The following YBX3 variants were observed in gnomAD, a reference collection of about 807,000 sequenced individuals.
YBX3 encodes the protein Y-box-binding protein 3.
YBX3 carries 29 observed loss-of-function variants against 42.4 expected under a neutral mutation model. That is an observed-to-expected ratio of 0.68 (90% CI 0.51 to 0.93). YBX3 has a LOEUF of 0.93. Among genes scored for constraint, YBX3 ranks in the 40% least tolerant of loss-of-function variants. The pLI, the probability that YBX3 is intolerant of heterozygous loss-of-function variation, is 0.00. For synonymous variants in YBX3, 195 were observed against 189.8 expected (o/e 1.03, Z -0.22); for missense variants, 517 against 527.5 (o/e 0.98, Z 0.19).
At position 10,719,156 on chromosome 12, in the gene YBX3, T is replaced by C; in HGVS notation, c.263-13A>G. 6.2e-7 allele frequency: 1 copy of C among 1,610,482 alleles called. No homozygotes were observed. Among genetic ancestry groups the C allele is most frequent in the Non-Finnish European group, 8.5e-7 (1 of 1,177,346 alleles). Reference sequence around the variant, plus strand: ...AGGACTTTGGTGGCTAAAATAGGATTAAGCAGATAAATTAGTATCTGACCT... The same window carrying C: ...AGGACTTTGGTGGCTAAAATAGGATCAAGCAGATAAATTAGTATCTGACCT... On this transcript the variant is annotated splice_polypyrimidine_tract_variant and intron_variant, in intron 1 of 9. Coordinates refer to ENST00000228251, the MANE Select transcript of YBX3 (RefSeq NM_003651.5).
chr12:10,718,065 G>C (rs762339088), intron 3 of YBX3, 23 bp downstream of exon 3: 1 of 1,598,492 alleles, frequency 6.3e-7, no homozygotes, highest in South Asian at 1.1e-5. Context: ...CATAGCAAAT[G>C]TAGTATTTAT....
intron 6 of YBX3, among the ~76,000 whole-genome samples, chr12:10,708,507 T>C (rs985965083): frequency 1.3e-5 from 2 of 152,200 alleles, no homozygotes; most frequent in African/African-American, 2.4e-5. Context: ...AATTTTCTTT[T>C]GATGCTCTTG....
At chr12:10,719,839 T>C (rs971500192) in intron 1 of YBX3, among the ~76,000 whole-genome samples, 2 of 151,616 alleles carry the variant, frequency 1.3e-5, no homozygotes, top group South Asian at 4.1e-4. Flanking sequence ...AAAATCCCCC[T>C]CTTTACCATA....
At chr12:10,703,736 T>A in intron 7 of YBX3, 1 of 320,944 alleles carries the variant, frequency 3.1e-6, no homozygotes, top group South Asian at 3.1e-5. Flanking sequence ...ACTCAATTCT[T>A]CCTCCATCTG....
intron 5 of YBX3, chr12:10,712,053 G>A (rs1948206484): frequency 1.3e-5 from 2 of 152,300 alleles, no homozygotes; most frequent in Admixed American, 1.3e-4. Context: ...AAGTCCTAAG[G>A]AATCTGACAG....
rs1948076963 is a variant in YBX3, at chr12:10,701,368, A to G, written c.1054-15T>C. 1 of 780,914 alleles carries G rather than the reference A, an allele frequency of 1.3e-6. No homozygotes were observed. Among genetic ancestry groups the G allele is most frequent in the Non-Finnish European group, 2.4e-6 (1 of 418,128 alleles). The allele number at this position is 780,914 out of a possible 1,614,324, so 48.4% of individuals were successfully genotyped here. A position where few individuals can be genotyped will look rare whatever the true frequency, so the allele number is the denominator to read the frequency against. ...CCTGCCTTGGCCTAAAATGCAAAAC[A>G]AAGCCATAAATCAGATAAAGTCAGA... On this transcript the variant is annotated splice_polypyrimidine_tract_variant and intron_variant, in intron 8 of 9. Coordinates refer to ENST00000228251, the MANE Select transcript of YBX3 (RefSeq NM_003651.5).
chr12:10,706,341 A>G (rs1393563119), intron 6 of YBX3, among the ~76,000 whole-genome samples: 2 of 152,218 alleles, frequency 1.3e-5, no homozygotes, highest in Non-Finnish European at 2.9e-5. Context: ...ACAGACATAC[A>G]TACTAAAGAA....
Position 10,722,998 on chromosome 12 carries a change from G to T in YBX3, c.114C>A (p.Ser38Arg). Reference protein sequence around the residue: ...QDPAPKSPVGSGAPQAAAPAP... With the variant: ...QDPAPKSPVGRGAPQAAAPAP... ...CCGGGGCCGCGGCCTGGGGCGCACC[G>T]CTGCCCACCGGGCTCTTGGGCGCGG... is the stretch of plus-strand genomic sequence containing the variant. The change falls in exon 1 of 10, where the codon AGC becomes AGA. Residue 38 changes from serine to arginine, a missense_variant. This residue lies in a region of YBX3 where 86 missense variants were observed against 82.5 expected (regional missense o/e 1.04). Transcript: ENST00000228251. 8.2e-7 allele frequency: 1 copy of T among 1,212,494 alleles called. No homozygotes were observed. The highest frequency in any genetic ancestry group is 1.0e-6 in the Non-Finnish European group (1 of 978,398). 75.1% of individuals were successfully genotyped at this position (1,212,494 alleles called of 1,614,324 possible).
intron 1 of YBX3, 35 bp downstream of exon 1, chr12:10,722,815 C>A: frequency 1.4e-6 from 2 of 1,413,902 alleles, no homozygotes; most frequent in South Asian, 1.6e-5. Flanking sequence ...GCCCGCCCCA[C>A]TACGGCAGCC....
At chr12:10,713,874 C>T (rs189796256) in intron 4 of YBX3, among the ~76,000 whole-genome samples, 18 of 152,344 alleles carry the variant, frequency 1.2e-4, no homozygotes, top group Non-Finnish European at 2.1e-4. Flanking sequence ...TGTAGTCCTT[C>T]TTTAGCCTTT....
chr12:10,710,177 C>A (rs1421136815), intron 5 of YBX3, 63 bp from the exon 6 acceptor site: 3 of 1,565,682 alleles, frequency 1.9e-6, no homozygotes, highest in African/African-American at 2.7e-5. Flanking sequence ...CAAAGAACAC[C>A]ATTTAGGATG....
Position 10,702,008 on chromosome 12 carries a change from G to T in YBX3, c.1005C>A (p.Tyr335Ter), listed in dbSNP as rs1187280649. 18 of 1,613,926 alleles carry T rather than the reference G, an allele frequency of 1.1e-5. No individual in the cohort carries two copies. The highest frequency in any genetic ancestry group is 1.5e-5 in the Non-Finnish European group (18 of 1,179,986). Residue 335 changes from tyrosine to a stop codon, truncating the protein, a stop_gained, in exon 8 of 10, where the codon TAC becomes TAA. Coordinates refer to ENST00000228251, the MANE Select transcript of YBX3 (RefSeq NM_003651.5). LOFTEE classifies it high-confidence loss of function. The stretch of plus-strand genomic sequence containing the variant: ...CGTTAGGAGGACGCGGGCGACGCCG[G>T]TAATTGTAGGGACGCCGGTATCCAC... ...VRRGYRRPYN[Y>*]RRRPRPPNAP... is the part of the protein sequence containing the mutation.
chr12:10,709,644 A>G (rs962307642), intron 6 of YBX3, among the ~76,000 whole-genome samples: 1 of 152,220 alleles, frequency 6.6e-6, no homozygotes, highest in Non-Finnish European at 1.5e-5. Context: ...TGTTACCTTA[A>G]TTCTTTTGTT....
Position 10,713,255 on chromosome 12 carries a change from A to G in YBX3, c.529T>C (p.Tyr177His). 1 of 1,614,082 alleles carries G rather than the reference A, an allele frequency of 6.2e-7. No homozygotes were observed. Among genetic ancestry groups the G allele is most frequent in the East Asian group, 2.2e-5 (1 of 44,870 alleles). ...CGCCTTCCATAGTAGCCACGTCTGT[A>G]ACGGCGCCGATCTGCAGCGTAACGA... The part of the protein sequence containing the change: ...GSRYAADRRR[Y>H]RRGYYGRRRG... Residue 177 changes from tyrosine to histidine, a missense_variant, in exon 5 of 10, where the codon TAC (tyrosine) becomes CAC (histidine). By Grantham distance (83) the Tyr-to-His change is moderately conservative (BLOSUM62 2). Around this residue, in one of 3 missense-constraint regions of YBX3, gnomAD observed 420 missense variants for 408.5 expected, o/e 1.03. Transcript: ENST00000228251.
intron 5 of YBX3, 36 bp downstream of exon 5, chr12:10,713,175 T>A (rs1361290865): frequency 8.8e-6 from 14 of 1,588,998 alleles, no homozygotes; most frequent in Non-Finnish European, 1.2e-5. Context: ...CATGAACAAT[T>A]TCTCAATCAC....
chr12:10,715,679 A>C lies in YBX3; in HGVS notation c.450+15T>G. On this transcript the variant is annotated intron_variant, in intron 4 of 9. Transcript: ENST00000228251. ...TGTGCCAGCACTTTGATACCCAACC[A>C]CAATTTCCTCTCACCTTCTCTCCTT... is the stretch of plus-strand genomic sequence containing the variant. 6.2e-7 allele frequency: 1 copy of C among 1,611,362 alleles called. No individual in the cohort carries two copies. Among genetic ancestry groups the C allele is most frequent in the Non-Finnish European group, 8.5e-7 (1 of 1,177,510 alleles).
chr12:10,708,685 A>C (rs1002958650), intron 6 of YBX3, among the ~76,000 whole-genome samples: 4 of 152,252 alleles, frequency 2.6e-5, no homozygotes, highest in Admixed American at 6.5e-5. Context: ...GAATAAGCGT[A>C]CATGTTCAAA....
At chr12:10,714,384 G>A (rs777690774) in intron 4 of YBX3, among the ~76,000 whole-genome samples, 14 of 152,134 alleles carry the variant, frequency 9.2e-5, no homozygotes, top group Non-Finnish European at 1.3e-4. Flanking sequence ...TAGTTTTAGC[G>A]TGTTTTTAAT....
chr12:10,701,044 T>C (rs76929702), intron 9 of YBX3, among the ~76,000 whole-genome samples: 1,551 of 152,302 alleles, frequency 0.01, 27 homozygotes, highest in African/African-American at 0.035. Flanking sequence ...TCTGTCTGAA[T>C]GCTTATACCC....
Sources: gnomAD v4.1 joint callset for allele counts (sites outside exome capture counted in the v4.1 genomes callset) on GRCh38, gnomAD v4.1.1 for gene constraint, gnomAD v4.1.1 regional missense constraint, MANE v1.5 for transcripts, NCBI Gene and HGNC (gene_info 2026-07-23, HGNC 2026-07-21) for gene names.